SVIL: variants seen among roughly 807,000 people sequenced by gnomAD.
The protein encoded by SVIL is supervillin, also known as archvillin.
Under a neutral mutation model 240.4 loss-of-function variants are expected in SVIL, and 101 were observed. The ratio of observed to expected loss-of-function variants is 0.42; its 90% CI spans 0.36 to 0.50. SVIL has a LOEUF of 0.50. Among genes scored for constraint, SVIL ranks in the 20% least tolerant of loss-of-function variants. The pLI is 0.01. For missense variants in SVIL, 2,512 were observed against 2,818.7 expected (o/e 0.89, Z 2.46); for synonymous variants, 999 against 1,100.0 (o/e 0.91, Z 1.82).
In SVIL at chr10:29,465,619, C is replaced by A; in HGVS notation, c.6109G>T (p.Asp2037Tyr). Residue 2037 changes from aspartate to tyrosine, a missense_variant, in exon 34 of 38, where the codon GAT (aspartate) becomes TAT (tyrosine). By Grantham distance (160) the Asp-to-Tyr change is radical. Coordinates refer to ENST00000355867, the MANE Select transcript of SVIL (RefSeq NM_021738.3). ...CCTGGCTGGGGCGCGCTGTACAGAT[C>A]TTCCTGCAGGAAGGGCATGGAACTG... ...VVSSMPFLQE[D>Y]LYSAPQPALF... The A allele has an allele frequency of 1.9e-6, 3 of 1,613,928 alleles. No individual in the cohort carries two copies. The highest frequency in any genetic ancestry group is 2.2e-5 in the South Asian group (2 of 91,068).
intron 3 of SVIL, among the ~76,000 whole-genome samples, chr10:29,646,127 G>A (rs999137060): frequency 2.0e-4 from 31 of 152,140 alleles, no homozygotes; most frequent in Admixed American, 1.9e-3. Flanking sequence ...TTTCTTGAAC[G>A]AATAAGGCAA....
In SVIL at chr10:29,457,756, C is replaced by T. The variant is rs920950665; in HGVS notation, c.*491G>A. 6.6e-6 allele frequency: 1 copy of T among 152,612 alleles called. No individual in the cohort carries two copies. The highest frequency in any genetic ancestry group is 2.4e-5 in the African/African-American group (1 of 41,406). 9.5% of individuals were successfully genotyped at this position (152,612 alleles called of 1,614,324 possible). A position where few individuals can be genotyped will look rare whatever the true frequency, so the allele number is the denominator to read the frequency against. On this transcript the variant is annotated 3_prime_UTR_variant, in exon 38 of 38. Transcript: ENST00000355867. ...GGCAGAGCTAATTCAACAGAAGCAA[C>T]TCCATCTACCTTTTCATGTTATTTT...
At chr10:29,567,848 C>T (rs1955096496) in intron 2 of SVIL, among the ~76,000 whole-genome samples, 1 of 152,002 alleles carries the variant, frequency 6.6e-6, no homozygotes, top group Non-Finnish European at 1.5e-5. Context: ...AACCCCGTCT[C>T]TACTAAAAAT....
At chr10:29,641,531 G>A (rs1304709986) in intron 3 of SVIL, among the ~76,000 whole-genome samples, 1 of 152,042 alleles carries the variant, frequency 6.6e-6, no homozygotes, top group Non-Finnish European at 1.5e-5. Context: ...TCGCGCCACT[G>A]CACTCCTGCC....
intron 17 of SVIL, among the ~76,000 whole-genome samples, chr10:29,509,011 AAC>A (rs1274284763): frequency 6.6e-6 from 1 of 152,240 alleles, no homozygotes; most frequent in Admixed American, 6.5e-5. Context: ...AGTTAGTTGT[AAC>A]AGAGACTGCT....
intron 27 of SVIL, among the ~76,000 whole-genome samples, chr10:29,482,604 T>C (rs1225489808): frequency 7.2e-6 from 1 of 139,528 alleles, no homozygotes; most frequent in Non-Finnish European, 1.5e-5. Flanking sequence ...AAGTGCCTTT[T>C]TGTGCACTTA....
Position 29,510,885 on chromosome 10 carries a change from C to T in SVIL, c.3516+1850G>A, listed in dbSNP as rs367982315. Among the ~76,000 whole-genome samples the T allele has an allele frequency of 9.8e-5, 11 of 112,618 alleles. 1 individual carries two copies. The highest frequency in any genetic ancestry group is 5.5e-4 in the South Asian group (2 of 3,612). 73.9% of individuals were successfully genotyped at this position (112,618 alleles called of 152,430 possible). On this transcript the variant is annotated intron_variant, in intron 17 of 37. Coordinates refer to ENST00000355867, the MANE Select transcript of SVIL (RefSeq NM_021738.3). ...CTCGGGAAGGAACGAACCGAGGGGT[C>T]GTCAGAGGCTGTCTGAGAAACACCT...
chr10:29,676,475 C>G (rs530280829), intron 2 of SVIL, among the ~76,000 whole-genome samples: 1 of 152,284 alleles, frequency 6.6e-6, no homozygotes, highest in South Asian at 2.1e-4. Context: ...AACCAGCTTA[C>G]CCCCAATGCA....
In SVIL at chr10:29,704,686, C is replaced by A. The variant is rs139492254; in HGVS notation, c.-399-18035G>T. On this transcript the variant is annotated intron_variant, in intron 1 of 35. Coordinates refer to the SVIL transcript ENST00000375400. Reference sequence around the variant, plus strand: ...CGCAAATTGTTCCCTTCATTCACAACCACGATCATCATTTATTGGTGAAAC... The same window carrying A: ...CGCAAATTGTTCCCTTCATTCACAAACACGATCATCATTTATTGGTGAAAC... 9.1e-4 allele frequency among the ~76,000 whole-genome samples: 139 copies of A among 152,310 alleles called. 2 individuals carry two copies. The Middle Eastern group carries it at 0.02, about 22-fold the overall frequency.
At chr10:29,530,368 T>C (rs570465704) in intron 11 of SVIL, among the ~76,000 whole-genome samples, 2 of 152,246 alleles carry the variant, frequency 1.3e-5, no homozygotes, top group African/African-American at 2.4e-5. Flanking sequence ...GAACAACAGG[T>C]GGGCCAGAGG....
intron 1 of SVIL, among the ~76,000 whole-genome samples, chr10:29,592,564 A>G (rs1429481709): frequency 6.6e-6 from 1 of 152,206 alleles, no homozygotes; most frequent in Non-Finnish European, 1.5e-5. Flanking sequence ...GGAGGTTTCA[A>G]TGTCAAGGTG....
chr10:29,609,534 C>T (rs925555195), intron 1 of SVIL, among the ~76,000 whole-genome samples: 4 of 152,232 alleles, frequency 2.6e-5, no homozygotes, highest in Admixed American at 2.6e-4. Flanking sequence ...AGAAGAGCTG[C>T]AGCCCTTCTG....
chr10:29,691,996 G>A (rs1321037876), intron 1 of SVIL, among the ~76,000 whole-genome samples: 3 of 152,126 alleles, frequency 2.0e-5, no homozygotes, highest in Non-Finnish European at 4.4e-5. Flanking sequence ...TAAGCAACTG[G>A]AAACACAGGA....
chr10:29,643,531 C>A (rs74131919), intron 3 of SVIL, among the ~76,000 whole-genome samples: 1 of 152,108 alleles, frequency 6.6e-6, no homozygotes, highest in Admixed American at 6.6e-5. Context: ...GAGCTTGTGG[C>A]CTTCTGTACC....
intron 1 of SVIL, among the ~76,000 whole-genome samples, chr10:29,589,425 A>G (rs768574642): frequency 3.9e-5 from 6 of 152,138 alleles, no homozygotes; most frequent in Admixed American, 6.5e-5. Flanking sequence ...TGGGGACTTC[A>G]CCAGTCCCCT....
At chr10:29,586,454 C>T (rs1226583391) in intron 1 of SVIL, among the ~76,000 whole-genome samples, 1 of 152,122 alleles carries the variant, frequency 6.6e-6, no homozygotes, top group Non-Finnish European at 1.5e-5. Flanking sequence ...GGGGAAATCA[C>T]CTCCCTAATG....
At position 29,486,740 on chromosome 10, in the gene SVIL, G is replaced by A. The variant is rs1947436793; in HGVS notation, c.4486-183C>T. On this transcript the variant is annotated intron_variant, in intron 24 of 37. Transcript: ENST00000355867. ...TCAAGAAAATGTAACTGAAAGACCA[G>A]GGAGTATCAATTCTTTAGAGCAATA... Among the ~76,000 whole-genome samples, 3 of 152,206 alleles carry A rather than the reference G, an allele frequency of 2.0e-5. No homozygotes were observed. The South Asian group carries it at 6.2e-4, about 31-fold the overall frequency.
chr10:29,720,544 A>G (rs1395998555), intron 1 of SVIL, among the ~76,000 whole-genome samples: 1 of 152,240 alleles, frequency 6.6e-6, no homozygotes, highest in Non-Finnish European at 1.5e-5. Context: ...AATTATTTTA[A>G]GTAGAAAAAA....
Position 29,605,755 on chromosome 10 carries a change from T to C in SVIL, c.-201+28665A>G, listed in dbSNP as rs185397776. Among the ~76,000 whole-genome samples the C allele has an allele frequency of 3.5e-3, 522 of 148,856 alleles. 8 individuals are homozygous for C. The highest frequency in any genetic ancestry group is 0.012 in the African/African-American group (496 of 40,934). On this transcript the variant is annotated intron_variant, in intron 1 of 37. Coordinates refer to ENST00000355867, the MANE Select transcript of SVIL (RefSeq NM_021738.3). The stretch of plus-strand genomic sequence containing the variant: ...TTATTTACATAATATATATTTTATA[T>C]AAATAAATGTATATGTGTGTGTTTG...
Sources: allele counts gnomAD v4.1 joint callset (sites outside exome capture counted in the v4.1 genomes callset), GRCh38; gene constraint gnomAD v4.1.1; transcripts MANE v1.5; gene names NCBI Gene and HGNC (gene_info 2026-07-23, HGNC 2026-07-21).